Variants in NPHS2 observed in about 807,000 individuals in gnomAD.
NPHS2 encodes the protein podocin.
In NPHS2, 36 loss-of-function variants were observed where a neutral mutation model predicts 37.1. That is an observed-to-expected ratio of 0.97 (90% CI 0.74 to 1.28). The LOEUF is 1.28. Among genes scored for constraint, NPHS2 ranks in the 50% most tolerant of loss-of-function variants. NPHS2 has a pLI of 0.00. For synonymous variants in NPHS2, 196 were observed against 189.3 expected, an observed-to-expected ratio of 1.04 and a Z score of -0.29; for missense variants, 447 against 488.1, an observed-to-expected ratio of 0.92 and a Z score of 0.79.
rs6696346 is a variant in NPHS2, at chr1:179,560,037, G to A, written c.452-276C>T. 6.1e-3 allele frequency among the ~76,000 whole-genome samples: 928 copies of A among 152,262 alleles called. 12 individuals carry two copies. The highest frequency in any genetic ancestry group is 0.02 in the African/African-American group (836 of 41,546). Reference sequence around the variant, plus strand: ...TGCTGCCTCCCCAGGTCTCAATTGCGTGTCTGTCCTTTCACTAGAATTGAA... The same window carrying A: ...TGCTGCCTCCCCAGGTCTCAATTGCATGTCTGTCCTTTCACTAGAATTGAA... On this transcript the variant is annotated intron_variant, in intron 3 of 7. Transcript: ENST00000367615.
intron 1 of NPHS2, among the ~76,000 whole-genome samples, chr1:179,573,269 G>A (rs986213264): frequency 6.6e-6 from 1 of 152,194 alleles, no homozygotes; most frequent in African/African-American, 2.4e-5. Flanking sequence ...GATGCAAGCT[G>A]CACCAGCACA....
chr1:179,557,716 A>T lies in NPHS2; in HGVS notation c.535-486T>A, dbSNP rs543083569. ...ATTTAGCTATAAGGATGTTACTCAC[A>T]GTATTGCTAATTGGAATACAAATTG... On this transcript the variant is annotated intron_variant, in intron 4 of 7. Transcript: ENST00000367615. Among the ~76,000 whole-genome samples, 3 of 152,352 alleles carry T rather than the reference A, an allele frequency of 2.0e-5. No homozygotes were observed. The South Asian group carries it at 6.2e-4, about 32-fold the overall frequency.
intron 5 of NPHS2, among the ~76,000 whole-genome samples, chr1:179,555,405 G>A (rs771431492): frequency 6.6e-6 from 1 of 151,302 alleles, no homozygotes; most frequent in South Asian, 2.2e-4. Flanking sequence ...ATTGAAGTTG[G>A]AAACAGGAGA....
intron 1 of NPHS2, among the ~76,000 whole-genome samples, chr1:179,565,486 T>C (rs1463317461): frequency 6.6e-6 from 1 of 152,184 alleles, no homozygotes; most frequent in Non-Finnish European, 1.5e-5. Flanking sequence ...ATGAGCTATA[T>C]CACCTATCTC....
intron 4 of NPHS2, among the ~76,000 whole-genome samples, chr1:179,557,597 C>A (rs1279422310): frequency 6.6e-6 from 1 of 152,118 alleles, no homozygotes; most frequent in Non-Finnish European, 1.5e-5. Flanking sequence ...CTAGAGTGTA[C>A]GTTAGGGGAT....
rs1410592 is a variant in NPHS2, at chr1:179,551,371, G to T, written c.954C>A (p.Ala318=). 1.2e-6 allele frequency: 2 copies of T among 1,613,828 alleles called. No individual in the cohort carries two copies. The highest frequency in any genetic ancestry group is 2.2e-5 in the South Asian group (2 of 91,066). ...GGGTGTGGAGGTATCGAAGCTGAAC[G>T]GCAGCAGGGGTGCCTGACAGAATCT... The part of the protein sequence containing the change: ...AAEILSGTPA[A]VQLRYLHTLQ... Residue 318 remains alanine (A), a synonymous_variant, in exon 8 of 8, where the codon GCC becomes GCA. Transcript: ENST00000367615.
At position 179,564,701 on chromosome 1, in the gene NPHS2, A is replaced by G. The variant is rs761431063; in HGVS notation, c.367T>C (p.Phe123Leu). 6.2e-7 allele frequency: 1 copy of G among 1,614,062 alleles called. No individual in the cohort carries two copies. Among genetic ancestry groups the G allele is most frequent in the Non-Finnish European group, 8.5e-7 (1 of 1,179,928 alleles). Reference protein sequence around the residue: ...IIMTFPFSIWFCVKVVQEYER... With the variant: ...IIMTFPFSIWLCVKVVQEYER... ...TTATGGAATCTCACCTTTACGCAGAACCAGATGGAAAAAGGGAAGGTCATG... is the reference window on the plus strand; with the variant it reads ...TTATGGAATCTCACCTTTACGCAGAGCCAGATGGAAAAAGGGAAGGTCATG... The change falls in exon 2 of 8, where the codon TTC becomes CTC. Residue 123 changes from phenylalanine (F) to leucine (L), a missense_variant. Physicochemically the swap from Phe to Leu is conservative, Grantham distance 22. Coordinates refer to ENST00000367615, the MANE Select transcript of NPHS2 (RefSeq NM_014625.4).
At position 179,575,830 on chromosome 1, in the gene NPHS2, G is replaced by A. The variant is rs2101887766; in HGVS notation, c.35C>T (p.Ser12Phe). ...ERRARSSSRE[S>F]RGRGGRTPHK... ...CGGAGTCCTGCCGCCTCGCCCGCGG[G>A]ACTCCCTGGAGGAGCTCCGCGCCCT... The change falls in exon 1 of 8, where the codon TCC (serine) becomes TTC (phenylalanine). Residue 12 changes from serine to phenylalanine, a missense_variant. Transcript: ENST00000367615. 2.1e-6 allele frequency: 3 copies of A among 1,456,710 alleles called. No individual in the cohort carries two copies. The highest frequency in any genetic ancestry group is 1.5e-5 in the African/African-American group (1 of 67,704). The allele number at this position is 1,456,710 out of a possible 1,614,324, so 90.2% of individuals were successfully genotyped here.
chr1:179,560,424 A>G (rs1674091389), intron 3 of NPHS2, among the ~76,000 whole-genome samples: 1 of 152,234 alleles, frequency 6.6e-6, no homozygotes, highest in African/African-American at 2.4e-5. Flanking sequence ...CACAGAGTCC[A>G]GGATACTAGT....
At chr1:179,572,681 A>G (rs1674607849) in intron 1 of NPHS2, among the ~76,000 whole-genome samples, 1 of 152,240 alleles carries the variant, frequency 6.6e-6, no homozygotes, top group Admixed American at 6.5e-5. Flanking sequence ...TTGCCAGTTT[A>G]AAAAGATCGT....
intron 1 of NPHS2, among the ~76,000 whole-genome samples, chr1:179,568,922 G>A (rs1029405209): frequency 6.6e-6 from 1 of 152,174 alleles, no homozygotes; most frequent in African/African-American, 2.4e-5. Flanking sequence ...GAGACAGTTT[G>A]TTGTGATTTC....
At position 179,575,782 on chromosome 1, in the gene NPHS2, T is replaced by A. The variant is rs1340195940; in HGVS notation, c.83A>T (p.Lys28Met). Residue 28 changes from lysine to methionine, a missense_variant, in exon 1 of 8, where the codon AAG becomes ATG. Coordinates refer to ENST00000367615, the MANE Select transcript of NPHS2 (RefSeq NM_014625.4). Reference sequence around the variant, plus strand: ...GCGGCCTCCGCCGCTCCTCTCGGCCTTTGCCCTCTTGTTCTCCTTGTGCGG... The same window carrying A: ...GCGGCCTCCGCCGCTCCTCTCGGCCATTGCCCTCTTGTTCTCCTTGTGCGG... ...RTPHKENKRA[K>M]AERSGGGRGR... The A allele has an allele frequency of 2.5e-5, 37 of 1,497,378 alleles. No individual in the cohort carries two copies. Among genetic ancestry groups the A allele is most frequent in the Non-Finnish European group, 3.0e-5 (34 of 1,128,044 alleles). The allele number at this position is 1,497,378 out of a possible 1,614,324, so 92.8% of individuals were successfully genotyped here. A position where few individuals can be genotyped will look rare whatever the true frequency, so the allele number is the denominator to read the frequency against.
chr1:179,558,327 C>CAGTATTTTG (rs1455183621), intron 4 of NPHS2, among the ~76,000 whole-genome samples: 6 of 152,086 alleles, frequency 3.9e-5, no homozygotes, highest in Admixed American at 1.3e-4. Context: ...TAGGATCATA[C>CAGTATTTTG]AGTATTTTGT....
intron 1 of NPHS2, among the ~76,000 whole-genome samples, chr1:179,566,884 G>A (rs554569759): frequency 2.0e-5 from 3 of 152,266 alleles, no homozygotes; most frequent in African/African-American, 7.2e-5. Context: ...TAGATGTGTT[G>A]TGTTATTTCT....
intron 7 of NPHS2, 177 bp from the exon 8 acceptor site, chr1:179,551,628 C>G (rs759753192): frequency 3.1e-4 from 206 of 671,626 alleles, no homozygotes; most frequent in Non-Finnish European, 4.3e-4. Flanking sequence ...ACAGATTAAA[C>G]TGTTAATCAC....
In NPHS2 at chr1:179,551,220, G is replaced by A. The variant is rs1673211675; in HGVS notation, c.1105C>T (p.Pro369Ser). 4 of 1,614,132 alleles carry A rather than the reference G, an allele frequency of 2.5e-6. No individual in the cohort carries two copies. The East Asian group carries it at 6.7e-5, about 27-fold the overall frequency. The change falls in exon 8 of 8, where the codon CCT becomes TCT. Residue 369 changes from proline (P) to serine (S), a missense_variant. Physicochemically the swap from Pro to Ser is moderately conservative, Grantham distance 74. Transcript: ENST00000367615. Reference protein sequence around the residue: ...GSLPFPSPSKPVEPLNPKKKD... With the variant: ...GSLPFPSPSKSVEPLNPKKKD... ...TTTTTAGGATTTAGTGGCTCAACAG[G>A]TTTGGAAGGACTTGGGAAGGGGAGG... is the stretch of plus-strand genomic sequence containing the variant.
At chr1:179,574,185 CA>C (rs1457002602) in intron 1 of NPHS2, among the ~76,000 whole-genome samples, 1 of 152,092 alleles carries the variant, frequency 6.6e-6, no homozygotes, top group African/African-American at 2.4e-5. Flanking sequence ...GACTGAGGCC[CA>C]AAAAGGTGCC....
chr1:179,570,206 G>A (rs2101879702), intron 1 of NPHS2, among the ~76,000 whole-genome samples: 1 of 152,260 alleles, frequency 6.6e-6, no homozygotes, highest in African/African-American at 2.4e-5. Flanking sequence ...CTCGGTCAGG[G>A]AGACCTTTAC....
At chr1:179,561,212 T>C in intron 3 of NPHS2, 77 bp downstream of exon 3, 2 of 935,736 alleles carry the variant, frequency 2.1e-6, no homozygotes, top group Admixed American at 1.7e-5. Flanking sequence ...CTGAGGTCCA[T>C]ATTACAAATC....
Sources: allele counts gnomAD v4.1 joint callset (sites outside exome capture counted in the v4.1 genomes callset), GRCh38; gene constraint gnomAD v4.1.1; transcripts MANE v1.5; gene names NCBI Gene and HGNC (gene_info 2026-07-23, HGNC 2026-07-21).